SLC37A3: variants seen among roughly 807,000 people sequenced by gnomAD.
SLC37A3 encodes the protein solute carrier family 37 member 3.
In SLC37A3, 51 loss-of-function variants were observed where a neutral mutation model predicts 67.1. The observed-to-expected ratio is 0.76, with a 90% confidence interval of 0.61 to 0.96. The LOEUF is 0.96. SLC37A3 is among the 40% of genes least tolerant of loss of function. The pLI is 0.00. For missense variants in SLC37A3, 508 were observed against 603.0 expected (o/e 0.84, Z 1.65); for synonymous variants, 214 against 231.4 (o/e 0.92, Z 0.68).
At chr7:140,354,651 A>G (rs1425158129) in intron 7 of SLC37A3, among the ~76,000 whole-genome samples, 2 of 151,950 alleles carry the variant, frequency 1.3e-5, no homozygotes, top group African/African-American at 2.4e-5. Context: ...TATACATTCA[A>G]ATTCTGTATC....
In SLC37A3 at chr7:140,348,750, G is replaced by A. The variant is rs1263559876; in HGVS notation, c.900C>T (p.Ala300=). Reference sequence around the variant, plus strand: ...AGGAGTAATTCACTAACTTCAAGCAGGCGTAGGCCAGTGAGTACTACAAGA... The same window carrying A: ...AGGAGTAATTCACTAACTTCAAGCAAGCGTAGGCCAGTGAGTACTACAAGA... ...PGVIPYSLAY[A]CLKLVNYSFF... is the part of the protein sequence containing the mutation. Residue 300 remains alanine (A), a synonymous_variant, in exon 10 of 15, where the codon GCC becomes GCT. Transcript: ENST00000326232. 3 of 1,614,006 alleles carry A rather than the reference G, an allele frequency of 1.9e-6. No homozygotes were observed. In the South Asian group the frequency reaches 3.3e-5, roughly 18 times the overall value.
At chr7:140,360,282 G>A (rs2117130365) in intron 5 of SLC37A3, among the ~76,000 whole-genome samples, 1 of 152,240 alleles carries the variant, frequency 6.6e-6, no homozygotes, top group African/African-American at 2.4e-5. Context: ...GGAGTTCAAG[G>A]CTGCAGGATC....
chr7:140,391,756 C>G (rs571963923), intron 1 of SLC37A3, among the ~76,000 whole-genome samples: 1 of 152,172 alleles, frequency 6.6e-6, no homozygotes, highest in Non-Finnish European at 1.5e-5. Context: ...AACTCACAAT[C>G]TTCCTGCACC....
intron 5 of SLC37A3, among the ~76,000 whole-genome samples, chr7:140,363,201 G>A (rs1367301879): frequency 2.8e-4 from 24 of 85,166 alleles, no homozygotes; most frequent in African/African-American, 1.0e-3. Context: ...TGTGCCCAGC[G>A]GCTCATTGGG....
chr7:140,355,526 A>G (rs1563020851), intron 7 of SLC37A3, 142 bp downstream of exon 7: 1 of 756,916 alleles, frequency 1.3e-6, no homozygotes, highest in Non-Finnish European at 2.1e-6. Context: ...AAGTTTGTCT[A>G]CTTTTAATAC....
Position 140,334,446 on chromosome 7 carries a change from C to T in SLC37A3, c.*966G>A, listed in dbSNP as rs1179183715. The stretch of plus-strand genomic sequence containing the variant: ...ACACTTACTAGAAGAAAAGGTCTTT[C>T]CCTTTTCTCTAATTCTAGTCTTCTG... On this transcript the variant is annotated 3_prime_UTR_variant, in exon 15 of 15. Transcript: ENST00000326232. 6.6e-6 allele frequency: 1 copy of T among 152,570 alleles called. No individual in the cohort carries two copies. Among genetic ancestry groups the T allele is most frequent in the Non-Finnish European group, 1.5e-5 (1 of 68,040 alleles). The allele number at this position is 152,570 out of a possible 1,614,324, so 9.5% of individuals were successfully genotyped here.
chr7:140,337,287 G>A lies in SLC37A3; in HGVS notation c.1389C>T (p.Leu463=). 6.3e-7 allele frequency: 1 copy of A among 1,596,052 alleles called. No individual in the cohort carries two copies. Among genetic ancestry groups the A allele is most frequent in the Non-Finnish European group, 8.5e-7 (1 of 1,172,804 alleles). ...TTTTAAAGGGGCACACACTTACCAT[G>A]AGAATGAAAAAGTAGAAAACCCACA... is the stretch of plus-strand genomic sequence containing the variant. ...GWMWVFYFFI[L]MTSCTIVFIS... is the part of the protein sequence containing the mutation. The change falls in exon 14 of 15, where the codon CTC becomes CTT. Residue 463 remains leucine, a synonymous_variant. Coordinates refer to ENST00000326232, the MANE Select transcript of SLC37A3 (RefSeq NM_207113.3).
intron 1 of SLC37A3, 29 bp from the exon 2 acceptor site, chr7:140,382,625 T>C: frequency 2.0e-6 from 2 of 992,358 alleles, no homozygotes; most frequent in East Asian, 2.5e-5. Flanking sequence ...TTATGGACAT[T>C]ATTAAACATA....
chr7:140,352,032 T>C (rs1377982909), intron 8 of SLC37A3, 30 bp downstream of exon 8: 1 of 1,589,214 alleles, frequency 6.3e-7, no homozygotes, highest in East Asian at 2.2e-5. Context: ...TAGTAAGACA[T>C]TCGGAATAGA....
intron 7 of SLC37A3, 88 bp from the exon 8 acceptor site, chr7:140,352,234 G>A: frequency 1.1e-6 from 1 of 951,434 alleles, no homozygotes; most frequent in South Asian, 1.5e-5. Flanking sequence ...GGGAAGGTGG[G>A]GGTGGGGGAG....
chr7:140,363,730 A>C (rs1797474536), intron 5 of SLC37A3, among the ~76,000 whole-genome samples: 1 of 147,764 alleles, frequency 6.8e-6, no homozygotes, highest in East Asian at 2.0e-4. Flanking sequence ...AAAAGAGCAA[A>C]ACTCCGCCTC....
chr7:140,359,342 CAAA>C (rs11389043), intron 5 of SLC37A3, among the ~76,000 whole-genome samples: 7 of 116,838 alleles, frequency 6.0e-5, no homozygotes, highest in Admixed American at 8.8e-5. Context: ...GACTCTGTCT[CAAA>C]AAAAAAAAAA....
At chr7:140,381,086 C>CG (rs1275940468) in intron 2 of SLC37A3, among the ~76,000 whole-genome samples, 3 of 150,972 alleles carry the variant, frequency 2.0e-5, no homozygotes. Flanking sequence ...TTAGGAGAGA[C>CG]GGGGTTTCAC....
intron 3 of SLC37A3, among the ~76,000 whole-genome samples, chr7:140,375,785 T>G (rs564863641): frequency 2.3e-3 from 346 of 152,354 alleles, no homozygotes; most frequent in Non-Finnish European, 4.1e-3. Context: ...CTGGTTACTT[T>G]AATGCCACTT....
intron 12 of SLC37A3, chr7:140,343,831 G>T: frequency 2.6e-6 from 1 of 379,992 alleles, no homozygotes; most frequent in Non-Finnish European, 4.8e-6. Context: ...CTAATCCTGT[G>T]AAGTTTACAT....
At chr7:140,371,667 T>C (rs1357369227) in intron 3 of SLC37A3, among the ~76,000 whole-genome samples, 3 of 152,168 alleles carry the variant, frequency 2.0e-5, no homozygotes, top group East Asian at 3.8e-4. Flanking sequence ...AATTAAATAA[T>C]GTCCATTCAT....
At chr7:140,354,747 T>G (rs1796952411) in intron 7 of SLC37A3, among the ~76,000 whole-genome samples, 2 of 150,732 alleles carry the variant, frequency 1.3e-5, no homozygotes, top group Non-Finnish European at 3.0e-5. Context: ...GGTGTTTTTT[T>G]TTTTTTTTTT....
intron 5 of SLC37A3, among the ~76,000 whole-genome samples, chr7:140,362,424 G>C (rs1296564682): frequency 1.4e-5 from 2 of 147,276 alleles, no homozygotes; most frequent in South Asian, 2.2e-4. Flanking sequence ...GAGGTGGGGG[G>C]GGGGGTCAGC....
Position 140,355,420 on chromosome 7 carries a change from G to A in SLC37A3, c.618+248C>T, listed in dbSNP as rs561798636. On this transcript the variant is annotated intron_variant, in intron 7 of 14. Transcript: ENST00000326232. Reference sequence around the variant, plus strand: ...GTAGAGACGAGGTTTCACCATGTTGGCCAAACTGGTCTCAAACTCCCGACC... The same window carrying A: ...GTAGAGACGAGGTTTCACCATGTTGACCAAACTGGTCTCAAACTCCCGACC... Among the ~76,000 whole-genome samples the A allele has an allele frequency of 4.6e-5, 7 of 151,658 alleles. No individual in the cohort carries two copies. In the South Asian group the frequency reaches 8.3e-4, roughly 18 times the overall value.
Sources: gnomAD v4.1 joint callset for allele counts (sites outside exome capture counted in the v4.1 genomes callset) on GRCh38, gnomAD v4.1.1 for gene constraint, MANE v1.5 for transcripts, NCBI Gene and HGNC (gene_info 2026-07-23, HGNC 2026-07-21) for gene names.